NUBPL: variants seen among roughly 807,000 people sequenced by gnomAD.
NUBPL encodes the protein iron-sulfur cluster transfer protein NUBPL.
NUBPL carries 31 observed loss-of-function variants against 45.7 expected under a neutral mutation model. The observed-to-expected ratio is 0.68, with a 90% CI of 0.51 to 0.92. The LOEUF is 0.92. Among genes scored for constraint, NUBPL ranks in the 40% least tolerant of loss-of-function variants. NUBPL has a pLI of 0.00. For synonymous variants in NUBPL, 144 were observed against 140.9 expected, an observed-to-expected ratio of 1.02 and a Z score of -0.15; for missense variants, 401 against 398.7, an observed-to-expected ratio of 1.01 and a Z score of -0.05.
intron 4 of NUBPL, among the ~76,000 whole-genome samples, chr14:31,608,926 A>G (rs562292701): frequency 1.3e-5 from 2 of 152,294 alleles, no homozygotes; most frequent in African/African-American, 4.8e-5. Context: ...AAAAACATTC[A>G]ATGAATACAC....
chr14:31,609,634 G>T (rs921941704), intron 4 of NUBPL, among the ~76,000 whole-genome samples: 3 of 152,104 alleles, frequency 2.0e-5, no homozygotes, highest in African/African-American at 7.2e-5. Flanking sequence ...CTTTTCCTCA[G>T]CACATGGATC....
intron 8 of NUBPL, among the ~76,000 whole-genome samples, chr14:31,840,586 A>AG (rs1566592827): frequency 2.5e-5 from 3 of 119,736 alleles, no homozygotes; most frequent in Admixed American, 8.3e-5. Flanking sequence ...AAAAAAAAAA[A>AG]AAAAGAAAAA....
chr14:31,789,187 G>A (rs1055603609), intron 7 of NUBPL, among the ~76,000 whole-genome samples: 22 of 152,116 alleles, frequency 1.4e-4, no homozygotes, highest in Non-Finnish European at 2.5e-4. Flanking sequence ...TTAGCCAGGT[G>A]TGGTGGCGGG....
chr14:31,637,784 G>T (rs997125499), intron 4 of NUBPL, among the ~76,000 whole-genome samples: 1 of 152,160 alleles, frequency 6.6e-6, no homozygotes, highest in African/African-American at 2.4e-5. Flanking sequence ...TGTATTGGGT[G>T]CATATATATT....
chr14:31,635,345 G>C (rs970624667), intron 4 of NUBPL, among the ~76,000 whole-genome samples: 1 of 152,118 alleles, frequency 6.6e-6, no homozygotes, highest in African/African-American at 2.4e-5. Flanking sequence ...ATTAAATAGG[G>C]AATCCTTTCC....
At chr14:31,714,335 C>A (rs1045690657) in intron 6 of NUBPL, among the ~76,000 whole-genome samples, 1 of 152,018 alleles carries the variant, frequency 6.6e-6, no homozygotes, top group African/African-American at 2.4e-5. Flanking sequence ...AAAAAAACAA[C>A]AACTTAGTCT....
intron 7 of NUBPL, among the ~76,000 whole-genome samples, chr14:31,814,086 C>T (rs893126889): frequency 1.5e-4 from 23 of 152,212 alleles, no homozygotes; most frequent in African/African-American, 5.3e-4. Flanking sequence ...ATTTCTGGTT[C>T]TAGATCCTTG....
chr14:31,812,021 A>T (rs750218034), intron 7 of NUBPL, among the ~76,000 whole-genome samples: 8 of 152,198 alleles, frequency 5.3e-5, no homozygotes, highest in Admixed American at 1.3e-4. Flanking sequence ...GCTTCGTCTC[A>T]GAGGGGCACC....
At chr14:31,599,007 T>C (rs1005239897) in intron 3 of NUBPL, among the ~76,000 whole-genome samples, 5 of 152,186 alleles carry the variant, frequency 3.3e-5, no homozygotes, top group African/African-American at 7.2e-5. Flanking sequence ...TGAGACTATA[T>C]GAGAGACCTG....
intron 6 of NUBPL, among the ~76,000 whole-genome samples, chr14:31,733,834 C>T (rs2038105749): frequency 6.6e-6 from 1 of 152,128 alleles, no homozygotes; most frequent in African/African-American, 2.4e-5. Flanking sequence ...AATGTATTTA[C>T]TCGTCTTGTA....
intron 8 of NUBPL, among the ~76,000 whole-genome samples, chr14:31,828,224 C>T (rs543097068): frequency 6.6e-6 from 1 of 152,292 alleles, no homozygotes; most frequent in South Asian, 2.1e-4. Context: ...CTAATTTGAG[C>T]AGTGTTACTT....
At chr14:31,782,217 A>G (rs1187484854) in intron 6 of NUBPL, among the ~76,000 whole-genome samples, 1 of 152,058 alleles carries the variant, frequency 6.6e-6, no homozygotes, top group Non-Finnish European at 1.5e-5. Context: ...CAAGATGGTG[A>G]ATCCCCATCT....
At chr14:31,824,683 T>C (rs1007654309) in intron 7 of NUBPL, among the ~76,000 whole-genome samples, 3 of 152,156 alleles carry the variant, frequency 2.0e-5, no homozygotes, top group African/African-American at 7.2e-5. Context: ...TTTTCTCTAT[T>C]TGAACTTCTT....
At chr14:31,846,269 A>T in intron 8 of NUBPL, 1 of 540,438 alleles carries the variant, frequency 1.9e-6, no homozygotes, top group Non-Finnish European at 3.3e-6. Context: ...AGCATTTATT[A>T]TGATATCAAA....
At chr14:31,632,309 G>T (rs940022878) in intron 4 of NUBPL, among the ~76,000 whole-genome samples, 5 of 152,140 alleles carry the variant, frequency 3.3e-5, no homozygotes, top group Non-Finnish European at 5.9e-5. Context: ...GTCTGCCTTC[G>T]GAGGAACAAT....
In NUBPL at chr14:31,600,645, G is replaced by A. The variant is rs56304358; in HGVS notation, c.382+1266G>A. On this transcript the variant is annotated intron_variant, in intron 4 of 10. Coordinates refer to ENST00000281081, the MANE Select transcript of NUBPL (RefSeq NM_025152.3). The stretch of plus-strand genomic sequence containing the variant: ...TCAGAAAGCAGACATGATAGATTCC[G>A]GATATTAGCCCTTTGTCAGATGAGT... Among the ~76,000 whole-genome samples, 424 of 152,228 alleles carry A rather than the reference G, an allele frequency of 2.8e-3. 2 individuals carry two copies. The highest frequency in any genetic ancestry group is 9.4e-3 in the African/African-American group (391 of 41,548).
chr14:31,673,480 G>T lies in NUBPL; in HGVS notation c.423-4G>T. On this transcript the variant is annotated splice_region_variant and splice_polypyrimidine_tract_variant and intron_variant, in intron 5 of 10. Transcript: ENST00000281081. ...TTAGTTGTATTTTTATGTTACTGTT[G>T]CAGTATGTCTATGGGCTTTCTGGTT... 6.2e-7 allele frequency: 1 copy of T among 1,613,038 alleles called. No homozygotes were observed. Among genetic ancestry groups the T allele is most frequent in the Non-Finnish European group, 8.5e-7 (1 of 1,179,238 alleles).
At chr14:31,598,940 G>T (rs1318955919) in intron 3 of NUBPL, among the ~76,000 whole-genome samples, 1 of 152,018 alleles carries the variant, frequency 6.6e-6, no homozygotes, top group East Asian at 1.9e-4. Flanking sequence ...TTTTAAAATT[G>T]TTTACATGTA....
At chr14:31,643,973 G>A (rs1003696263) in intron 4 of NUBPL, among the ~76,000 whole-genome samples, 15 of 151,590 alleles carry the variant, frequency 9.9e-5, no homozygotes, top group African/African-American at 3.6e-4. Context: ...GTATTTCTGT[G>A]GTTTGAGTTG....
Sources: allele counts gnomAD v4.1 joint callset (sites outside exome capture counted in the v4.1 genomes callset), GRCh38; gene constraint gnomAD v4.1.1; transcripts MANE v1.5; gene names NCBI Gene and HGNC (gene_info 2026-07-23, HGNC 2026-07-21).